The following STRBP variants were observed in gnomAD, a reference collection of about 807,000 sequenced individuals.
STRBP encodes spermatid perinuclear RNA binding protein.
In STRBP, 13 loss-of-function variants were observed where a neutral mutation model predicts 80.1. That is an observed-to-expected ratio of 0.16 (90% CI 0.11 to 0.26). The LOEUF is 0.26. Ranked by LOEUF, STRBP falls within the 10% of genes least tolerant of loss-of-function variation. The pLI is 1.00. For synonymous variants in STRBP, 284 were observed against 291.2 expected, an observed-to-expected ratio of 0.98 and a Z score of 0.25; for missense variants, 485 against 815.2, an observed-to-expected ratio of 0.59 and a Z score of 4.93.
chr9:123,161,137 C>T, intron 6 of STRBP, 69 bp from the exon 7 acceptor site: 1 of 1,165,678 alleles, frequency 8.6e-7, no homozygotes. Context: ...AATTATCAAA[C>T]AATAAAAAAT....
At chr9:123,197,667 C>CTTTTTT (rs71388358) in intron 2 of STRBP, among the ~76,000 whole-genome samples, 50 of 87,374 alleles carry the variant, frequency 5.7e-4, no homozygotes, top group Non-Finnish European at 6.3e-4. Flanking sequence ...AAACATATTT[C>CTTTTTT]TTTTTTTTTT....
At chr9:123,181,795 C>T (rs1256047680) in intron 3 of STRBP, among the ~76,000 whole-genome samples, 60 of 24,562 alleles carry the variant, frequency 2.4e-3, no homozygotes, top group African/African-American at 0.01. Flanking sequence ...AGCAAAACTT[C>T]GTCTCAAAAA....
At chr9:123,117,882 A>G (rs2035671789), downstream of STRBP, among the ~76,000 whole-genome samples, 1 of 152,264 alleles carries the variant, frequency 6.6e-6, no homozygotes, top group Admixed American at 6.5e-5. Flanking sequence ...CAAGCTTTAG[A>G]TAAAAATGCT....
At chr9:123,234,116 G>A (rs1333943057) in intron 2 of STRBP, among the ~76,000 whole-genome samples, 2 of 150,892 alleles carry the variant, frequency 1.3e-5, no homozygotes, top group Admixed American at 6.6e-5. Flanking sequence ...CAGGAGAATG[G>A]CATGAACCCG....
At chr9:123,209,693 G>A (rs2039641964) in intron 2 of STRBP, among the ~76,000 whole-genome samples, 1 of 152,142 alleles carries the variant, frequency 6.6e-6, no homozygotes, top group African/African-American at 2.4e-5. Context: ...AGAGAACAGA[G>A]TGCATACATG....
intron 11 of STRBP, among the ~76,000 whole-genome samples, chr9:123,152,167 A>G (rs2037085641): frequency 6.6e-6 from 1 of 152,222 alleles, no homozygotes; most frequent in African/African-American, 2.4e-5. Context: ...ACATTTCCAC[A>G]AAGAAAACAC....
intron 13 of STRBP, among the ~76,000 whole-genome samples, chr9:123,146,572 A>C (rs1588481550): frequency 6.7e-6 from 1 of 149,206 alleles, no homozygotes; most frequent in Middle Eastern, 3.4e-3. Context: ...ATGGGAAATA[A>C]ACCAACATAC....
At chr9:123,180,932 C>A in intron 3 of STRBP, 4 of 984,934 alleles carry the variant, frequency 4.1e-6, no homozygotes, top group Non-Finnish European at 4.8e-6. Flanking sequence ...CTAAAACATT[C>A]TCAATTTTTT....
intron 2 of STRBP, among the ~76,000 whole-genome samples, chr9:123,195,398 A>C (rs2039057149): frequency 6.6e-6 from 1 of 152,230 alleles, no homozygotes; most frequent in Non-Finnish European, 1.5e-5. Context: ...ATTGGAAAGA[A>C]GCCAAATTAT....
intron 2 of STRBP, among the ~76,000 whole-genome samples, chr9:123,223,065 A>AGAT (rs1219058609): frequency 1.3e-5 from 2 of 149,718 alleles, no homozygotes; most frequent in Non-Finnish European, 3.0e-5. Flanking sequence ...ATAGATAGAT[A>AGAT]GATAGATAGA....
intron 3 of STRBP, among the ~76,000 whole-genome samples, chr9:123,180,326 A>G (rs1226618782): frequency 1.3e-5 from 2 of 152,234 alleles, no homozygotes; most frequent in South Asian, 2.1e-4. Context: ...TGTGAACACT[A>G]TAAGAAAACT....
At chr9:123,238,641 T>A (rs1481548255) in intron 1 of STRBP, among the ~76,000 whole-genome samples, 3 of 152,100 alleles carry the variant, frequency 2.0e-5, no homozygotes, top group African/African-American at 7.2e-5. Context: ...CATCCTAACA[T>A]CCCACGTATG....
At chr9:123,147,443 A>AG (rs988415824) in intron 12 of STRBP, among the ~76,000 whole-genome samples, 1 of 152,028 alleles carries the variant, frequency 6.6e-6, no homozygotes, top group Non-Finnish European at 1.5e-5. Flanking sequence ...GGAGAGGCCA[A>AG]GGGGGGTGAA....
In STRBP at chr9:123,242,782, G is replaced by A. The variant is rs576369131; in HGVS notation, c.-301-5816C>T. 1.1e-3 allele frequency among the ~76,000 whole-genome samples: 166 copies of A among 152,248 alleles called. 1 individual carries two copies. The highest frequency in any genetic ancestry group is 3.4e-3 in the Middle Eastern group (1 of 294). On this transcript the variant is annotated intron_variant, in intron 1 of 18. Coordinates refer to ENST00000348403, the MANE Select transcript of STRBP (RefSeq NM_018387.5). ...AGTTTAACATTTTGCTAATTACAAA[G>A]AATTCTCTCCATACAATTTAAGTAA...
At chr9:123,153,537 G>A (rs1235579797) in intron 11 of STRBP, among the ~76,000 whole-genome samples, 1 of 152,160 alleles carries the variant, frequency 6.6e-6, no homozygotes, top group Admixed American at 6.6e-5. Context: ...TGGGATATGG[G>A]TGAATGAAAG....
chr9:123,186,747 G>C (rs1019722382), intron 2 of STRBP, among the ~76,000 whole-genome samples: 1 of 148,244 alleles, frequency 6.7e-6, no homozygotes, highest in African/African-American at 2.5e-5. Context: ...TGAGAAAAAA[G>C]CCAAATTTAT....
chr9:123,241,553 A>G (rs1035655527), intron 1 of STRBP, among the ~76,000 whole-genome samples: 1 of 151,762 alleles, frequency 6.6e-6, no homozygotes, highest in African/African-American at 2.4e-5. Context: ...TCTCCAAAAC[A>G]TACCTTGTTC....
intron 11 of STRBP, among the ~76,000 whole-genome samples, chr9:123,156,584 A>C (rs1235219281): frequency 6.6e-6 from 1 of 152,082 alleles, no homozygotes; most frequent in Non-Finnish European, 1.5e-5. Context: ...TAGAAAATAA[A>C]ACATTCCATT....
intron 2 of STRBP, among the ~76,000 whole-genome samples, chr9:123,202,219 A>G (rs2039352396): frequency 6.6e-6 from 1 of 152,206 alleles, no homozygotes; most frequent in South Asian, 2.1e-4. Context: ...CTGACATTCA[A>G]TGCTAATATT....
Sources: allele counts gnomAD v4.1 joint callset (sites outside exome capture counted in the v4.1 genomes callset), GRCh38; gene constraint gnomAD v4.1.1; transcripts MANE v1.5; gene names NCBI Gene and HGNC (gene_info 2026-07-23, HGNC 2026-07-21).